ZDHHC14: variants seen among roughly 807,000 people sequenced by gnomAD.
The protein encoded by ZDHHC14 is palmitoyltransferase ZDHHC14.
A neutral mutation model predicts 47.7 loss-of-function variants in ZDHHC14; 16 were observed. The observed-to-expected ratio is 0.34, with a 90% confidence interval of 0.23 to 0.51. ZDHHC14 has a LOEUF of 0.51. Ranked by LOEUF, ZDHHC14 falls within the 20% of genes least tolerant of loss-of-function variation. ZDHHC14 has a pLI of 0.97. For missense variants in ZDHHC14, 515 were observed against 662.5 expected, an observed-to-expected ratio of 0.78 and a Z score of 2.44; for synonymous variants, 293 against 278.9, an observed-to-expected ratio of 1.05 and a Z score of -0.50.
chr6:157,461,782 T>C (rs535567057), intron 1 of ZDHHC14, among the ~76,000 whole-genome samples: 2 of 152,332 alleles, frequency 1.3e-5, no homozygotes, highest in African/African-American at 4.8e-5. Flanking sequence ...GGGACGCCAG[T>C]TCCTGCACTT....
chr6:157,446,492 C>T (rs553608549), intron 1 of ZDHHC14, among the ~76,000 whole-genome samples: 1 of 152,256 alleles, frequency 6.6e-6, no homozygotes, highest in South Asian at 2.1e-4. Flanking sequence ...TCACTGCAAC[C>T]TCTGCCTCCC....
chr6:157,546,034 T>C (rs569309502), intron 2 of ZDHHC14, among the ~76,000 whole-genome samples: 5 of 152,216 alleles, frequency 3.3e-5, no homozygotes, highest in Non-Finnish European at 7.3e-5. Context: ...CTTCTACAAA[T>C]GTACGTTCTC....
intron 1 of ZDHHC14, among the ~76,000 whole-genome samples, chr6:157,417,189 G>A (rs766445293): frequency 2.0e-5 from 3 of 151,796 alleles, no homozygotes; most frequent in South Asian, 2.1e-4. Flanking sequence ...ACGGGTGCTC[G>A]TTAATCCTGT....
intron 1 of ZDHHC14, among the ~76,000 whole-genome samples, chr6:157,420,983 G>C (rs906210461): frequency 6.7e-4 from 102 of 152,190 alleles, no homozygotes; most frequent in African/African-American, 2.3e-3. Context: ...GCTAGCTTCA[G>C]TTAGGTTTTC....
rs533594110 is a variant in ZDHHC14, at chr6:157,428,529, GCTTTTTATAGCGGTGCCCT to G, written c.245+46266_245+46284del. Among the ~76,000 whole-genome samples the G allele has an allele frequency of 2.3e-3, 353 of 152,244 alleles. 4 individuals are homozygous for G. The highest frequency in any genetic ancestry group is 6.8e-3 in the Middle Eastern group (2 of 294). ...AAAGGGTACTGTGACTTTTTCAGCT[GCTTTTTATAGCGGTGCCCT>G]CTGAAACTAGTGGCCTGTTACGCCT... On this transcript the variant is annotated intron_variant, in intron 1 of 8. Coordinates refer to ENST00000359775, the MANE Select transcript of ZDHHC14 (RefSeq NM_024630.3).
At chr6:157,640,234 CTT>C (rs774323737) in intron 5 of ZDHHC14, among the ~76,000 whole-genome samples, 1 of 152,212 alleles carries the variant, frequency 6.6e-6, no homozygotes, top group Non-Finnish European at 1.5e-5. Context: ...TTAATCATGA[CTT>C]ATTGTTCAGC....
rs1358937884 is a variant in ZDHHC14, at chr6:157,580,036, C to A, written c.407-12952C>A. Among the ~76,000 whole-genome samples the A allele has an allele frequency of 2.6e-5, 4 of 152,118 alleles. 1 individual carries two copies. ...TCAGCTGTGGGTTTGTCATAGATGG[C>A]TCTTGTTATTTTGAAGTATATTCCT... On this transcript the variant is annotated intron_variant, in intron 2 of 8. Coordinates refer to ENST00000359775, the MANE Select transcript of ZDHHC14 (RefSeq NM_024630.3).
chr6:157,599,564 C>T (rs1475422342), intron 3 of ZDHHC14, among the ~76,000 whole-genome samples: 1 of 152,204 alleles, frequency 6.6e-6, no homozygotes, highest in African/African-American at 2.4e-5. Flanking sequence ...TTTTGGGGTT[C>T]TCCCCAAACA....
At chr6:157,430,784 T>G (rs9456338) in intron 1 of ZDHHC14, among the ~76,000 whole-genome samples, 76,600 of 152,170 alleles carry the variant, frequency 0.5, 19,444 homozygotes, top group East Asian at 0.61. Flanking sequence ...ACTGCATATG[T>G]TTTGAAGATC....
At chr6:157,462,102 C>T (rs1302304089) in intron 1 of ZDHHC14, among the ~76,000 whole-genome samples, 3 of 152,216 alleles carry the variant, frequency 2.0e-5, no homozygotes. Context: ...TGTGAGTTCA[C>T]ATAGTTTCTG....
At position 157,492,369 on chromosome 6, in the gene ZDHHC14, C is replaced by T. The variant is rs372921401; in HGVS notation, c.246-50216C>T. On this transcript the variant is annotated intron_variant, in intron 1 of 8. Coordinates refer to ENST00000359775, the MANE Select transcript of ZDHHC14 (RefSeq NM_024630.3). ...GACCTCAGGGCATTTCGCTGCCTGC[C>T]CGGCCTGCTCTCTGCCCTTCCCCTT... Among the ~76,000 whole-genome samples, 27 of 152,280 alleles carry T rather than the reference C, an allele frequency of 1.8e-4. No individual in the cohort carries two copies. In the South Asian group the frequency reaches 5.6e-3, roughly 32 times the overall value.
chr6:157,659,901 G>C lies in ZDHHC14; in HGVS notation c.1068+6274G>C, dbSNP rs545596907. 2.6e-5 allele frequency among the ~76,000 whole-genome samples: 4 copies of C among 152,180 alleles called. No individual in the cohort carries two copies. The South Asian group carries it at 8.3e-4, about 32-fold the overall frequency. ...CGTTAGTGCTGAATTAGTCAGAATC[G>C]CAAGCTGAACTTCAAGCCATTCTAA... On this transcript the variant is annotated intron_variant, in intron 8 of 8. Transcript: ENST00000359775.
chr6:157,508,532 AT>A (rs1365560565), intron 1 of ZDHHC14, among the ~76,000 whole-genome samples: 1 of 151,820 alleles, frequency 6.6e-6, no homozygotes, highest in Non-Finnish European at 1.5e-5. Context: ...TGTCTGAGTA[AT>A]TTTTTTATTT....
At chr6:157,625,600 G>A (rs953679638) in intron 3 of ZDHHC14, among the ~76,000 whole-genome samples, 1 of 152,102 alleles carries the variant, frequency 6.6e-6, no homozygotes, top group Non-Finnish European at 1.5e-5. Flanking sequence ...GAGCACGCAG[G>A]CTCGAGGTGT....
At chr6:157,555,641 A>G (rs886456522) in intron 2 of ZDHHC14, among the ~76,000 whole-genome samples, 8 of 152,012 alleles carry the variant, frequency 5.3e-5, no homozygotes, top group Non-Finnish European at 7.4e-5. Flanking sequence ...GCAACCCCTG[A>G]TAGCTTCTTT....
chr6:157,400,887 C>T (rs997305111), intron 1 of ZDHHC14, among the ~76,000 whole-genome samples: 3 of 152,228 alleles, frequency 2.0e-5, no homozygotes, highest in African/African-American at 7.2e-5. Flanking sequence ...CCTTTATCAT[C>T]CCCTGGCCTG....
At chr6:157,616,039 G>A (rs1054209288) in intron 3 of ZDHHC14, among the ~76,000 whole-genome samples, 1 of 152,202 alleles carries the variant, frequency 6.6e-6, no homozygotes, top group African/African-American at 2.4e-5. Flanking sequence ...TGACAGGAGA[G>A]TGGGGCGCCA....
chr6:157,544,533 T>C (rs11486680), intron 2 of ZDHHC14, among the ~76,000 whole-genome samples: 74,734 of 151,910 alleles, frequency 0.49, 18,932 homozygotes, highest in African/African-American at 0.63. Flanking sequence ...CCTGTAGTCC[T>C]AGCTACTGGG....
intron 2 of ZDHHC14, among the ~76,000 whole-genome samples, chr6:157,570,352 A>C (rs1005130266): frequency 6.6e-6 from 1 of 152,216 alleles, no homozygotes; most frequent in Non-Finnish European, 1.5e-5. Flanking sequence ...ACCCAAATTG[A>C]TCTCTATCAC....
Sources: allele counts gnomAD v4.1 joint callset (sites outside exome capture counted in the v4.1 genomes callset), GRCh38; gene constraint gnomAD v4.1.1; transcripts MANE v1.5; gene names NCBI Gene and HGNC (gene_info 2026-07-23, HGNC 2026-07-21).